SELENOP: variants seen among roughly 807,000 people sequenced by gnomAD.
SELENOP encodes the protein selenoprotein P.
Under a neutral mutation model 41.0 loss-of-function variants are expected in SELENOP, and 36 were observed. The ratio of observed to expected loss-of-function variants is 0.88; its 90% CI spans 0.67 to 1.16. SELENOP has a LOEUF of 1.16. Among genes scored for constraint, SELENOP ranks in the 50% most tolerant of loss-of-function variants. The pLI, the probability that SELENOP is intolerant of heterozygous loss-of-function variation, is 0.00. For synonymous variants in SELENOP, 144 were observed against 150.8 expected, an observed-to-expected ratio of 0.95 and a Z score of 0.33; for missense variants, 440 against 454.2, an observed-to-expected ratio of 0.97 and a Z score of 0.28.
In SELENOP at chr5:42,800,704, G is replaced by C; in HGVS notation, c.*16C>G. The C allele has an allele frequency of 1.3e-6, 2 of 1,581,734 alleles. No individual in the cohort carries two copies. The highest frequency in any genetic ancestry group is 1.7e-6 in the Non-Finnish European group (2 of 1,161,622). ...GTGTCTAGACTAAATTGGGGAGTAT[G>C]TCCTATTTTAAATATTTAGTTTGAA... On this transcript the variant is annotated 3_prime_UTR_variant, in exon 5 of 5. Transcript: ENST00000514985.
At chr5:42,810,482 C>T (rs993929147) in intron 1 of SELENOP, among the ~76,000 whole-genome samples, 1 of 152,030 alleles carries the variant, frequency 6.6e-6, no homozygotes, top group Non-Finnish European at 1.5e-5. Context: ...TTTTTTGAGA[C>T]GGAGTCTTGC....
At chr5:42,811,689 A>C (rs902858340) in intron 1 of SELENOP, 147 bp downstream of exon 1, 19 of 152,314 alleles carry the variant, frequency 1.2e-4, no homozygotes, top group African/African-American at 4.6e-4. Flanking sequence ...GACTCTTCTT[A>C]TTCTTTTTCT....
At chr5:42,802,984 C>G (rs1392329649) in intron 4 of SELENOP, among the ~76,000 whole-genome samples, 1 of 152,146 alleles carries the variant, frequency 6.6e-6, no homozygotes, top group African/African-American at 2.4e-5. Context: ...TTTAATATCT[C>G]TAAAATTAGA....
intron 4 of SELENOP, 111 bp from the exon 5 acceptor site, chr5:42,801,442 G>A (rs1760200735): frequency 5.1e-6 from 4 of 791,924 alleles, no homozygotes; most frequent in African/African-American, 3.5e-5. Flanking sequence ...AATTAGAATC[G>A]AGCTGGCTTT....
chr5:42,803,377 C>T (rs1033773483), intron 4 of SELENOP, among the ~76,000 whole-genome samples: 1 of 151,992 alleles, frequency 6.6e-6, no homozygotes, highest in African/African-American at 2.4e-5. Flanking sequence ...TCTTTCATTA[C>T]TCTTAGTATT....
chr5:42,808,795 C>G (rs1021033355), intron 1 of SELENOP, among the ~76,000 whole-genome samples: 1 of 151,582 alleles, frequency 6.6e-6, no homozygotes, highest in Non-Finnish European at 1.5e-5. Flanking sequence ...TGGCAGACAC[C>G]TGTAGTCCCA....
rs2111614105 is a variant in SELENOP, at chr5:42,800,344, A to G, written c.*376T>C. ...ACAAAGTAATATTGTTTTGAGAGAT[A>G]AGTAAAGAAAAAAATGGAAAGCATG... is the stretch of plus-strand genomic sequence containing the variant. On this transcript the variant is annotated 3_prime_UTR_variant, in exon 5 of 5. Transcript: ENST00000514985. 1 of 165,336 alleles carries G rather than the reference A, an allele frequency of 6.0e-6. No homozygotes were observed. The highest frequency in any genetic ancestry group is 2.4e-5 in the African/African-American group (1 of 42,010). 10.2% of individuals were successfully genotyped at this position (165,336 alleles called of 1,614,324 possible).
chr5:42,805,568 G>C (rs1337806856), intron 3 of SELENOP: 1 of 151,798 alleles, frequency 6.6e-6, no homozygotes, highest in Admixed American at 6.6e-5. Context: ...TGTTTTATTT[G>C]TTCATAGAAT....
At position 42,804,716 on chromosome 5, in the gene SELENOP, A is replaced by G. The variant is rs1295321932; in HGVS notation, c.474T>C (p.Tyr158=). The G allele has an allele frequency of 1.2e-6, 2 of 1,612,050 alleles. No homozygotes were observed. Among genetic ancestry groups the G allele is most frequent in the Middle Eastern group, 1.7e-4 (1 of 6,052 alleles). The part of the protein sequence containing the change: ...GLPFSFLTFP[Y]VEEAIKIAYC... ...AAGCAATCTTAATGGCTTCTTCTAC[A>G]TATGGGAAAGTTAGGAAGGAAAAAG... The change falls in exon 4 of 5, where the codon TAT becomes TAC. Residue 158 remains tyrosine, a synonymous_variant. Transcript: ENST00000514985.
At chr5:42,809,792 G>T in intron 1 of SELENOP, 2 of 955,992 alleles carry the variant, frequency 2.1e-6, no homozygotes, top group Non-Finnish European at 2.5e-6. Context: ...AACTTAACTA[G>T]AGAGAGTGAG....
At chr5:42,805,318 T>C (rs1376837150) in intron 3 of SELENOP, 1 of 152,228 alleles carries the variant, frequency 6.6e-6, no homozygotes, top group African/African-American at 2.4e-5. Context: ...TAAAATGTTC[T>C]TCTTGCCTAC....
In SELENOP at chr5:42,801,196, A is replaced by C. The variant is rs1472156645; in HGVS notation, c.670T>G (p.Ser224Ala). ...GHQHLGSSEL[S>A]ENQQPGAPNA... is the part of the protein sequence containing the mutation. ...GGTGCTCCTGGTTGCTGATTCTCTGAAAGCTCACTGCTGCCAAGGTGCTGA... is the reference window on the plus strand; with the variant it reads ...GGTGCTCCTGGTTGCTGATTCTCTGCAAGCTCACTGCTGCCAAGGTGCTGA... Residue 224 changes from serine to alanine, a missense_variant, in exon 5 of 5, where the codon TCA (serine) becomes GCA (alanine). Physicochemically the swap from Ser to Ala is moderately conservative, Grantham distance 99. Coordinates refer to ENST00000514985, the MANE Select transcript of SELENOP (RefSeq NM_005410.4). 8 of 1,614,036 alleles carry C rather than the reference A, an allele frequency of 5.0e-6. No individual in the cohort carries two copies. The highest frequency in any genetic ancestry group is 5.9e-6 in the Non-Finnish European group (7 of 1,180,038).
In SELENOP at chr5:42,806,910, GA is replaced by G; in HGVS notation, c.401del (p.Phe134SerfsTer?). ...WTLLNGSKDDFLIYDRCGRLV... is the reference protein window; with the variant it reads ...WTLLNGSKDDXLIYDRCGRLV... ...TATGTACAAACCTATCATATATGAG[GA>G]AGTCATCTTTGCTTCCATTTAAAAG... On this transcript the variant is annotated frameshift_variant, in exon 3 of 5. Transcript: ENST00000514985. LOFTEE classifies it high-confidence loss of function. 2 of 1,604,560 alleles carry G rather than the reference GA, an allele frequency of 1.2e-6. No individual in the cohort carries two copies. The highest frequency in any genetic ancestry group is 2.2e-5 in the South Asian group (2 of 90,386).
At chr5:42,801,381 T>A in intron 4 of SELENOP, 50 bp from the exon 5 acceptor site, 3 of 1,283,576 alleles carry the variant, frequency 2.3e-6, no homozygotes, top group Non-Finnish European at 3.2e-6. Flanking sequence ...GAGATAGGAA[T>A]AATGCGTGAA....
rs1760183492 is a variant in SELENOP, at chr5:42,801,048, T to A, written c.818A>T (p.Gln273Leu). 1.2e-6 allele frequency: 2 copies of A among 1,614,254 alleles called. No homozygotes were observed. Among genetic ancestry groups the A allele is most frequent in the Non-Finnish European group, 1.7e-6 (2 of 1,180,042 alleles). Residue 273 changes from glutamine (Q) to leucine (L), a missense_variant, in exon 5 of 5, where the codon CAA (glutamine) becomes CTA (leucine). Transcript: ENST00000514985. ...MPASEDLQDL[Q>L]KKLCRKRCIN... Reference sequence around the variant, plus strand: ...ACATCTCTTTCGACAGAGCTTCTTTTGTAAATCTTGTAAATCTTCACTTGC... The same window carrying A: ...ACATCTCTTTCGACAGAGCTTCTTTAGTAAATCTTGTAAATCTTCACTTGC...
chr5:42,805,604 C>CT (rs137889511), intron 3 of SELENOP: 39,400 of 152,026 alleles, frequency 0.26, 5,688 homozygotes, highest in Admixed American at 0.38. Context: ...GCAGATCATG[C>CT]TTAAATGATT....
intron 4 of SELENOP, chr5:42,801,785 C>T (rs1323676160): frequency 1.2e-5 from 2 of 160,504 alleles, no homozygotes; most frequent in African/African-American, 4.8e-5. Context: ...GGTGTGGTGT[C>T]AGATGCCTGT....
chr5:42,802,631 T>C (rs777873876), intron 4 of SELENOP, among the ~76,000 whole-genome samples: 4 of 152,100 alleles, frequency 2.6e-5, no homozygotes, highest in Non-Finnish European at 4.4e-5. Flanking sequence ...ATTTATTTAG[T>C]GACGGAGTCT....
chr5:42,808,215 C>T lies in SELENOP; in HGVS notation c.139G>A (p.Gly47Ser). The T allele has an allele frequency of 1.9e-6, 3 of 1,586,028 alleles. No individual in the cohort carries two copies. Among genetic ancestry groups the T allele is most frequent in the Non-Finnish European group, 2.6e-6 (3 of 1,166,916 alleles). ...RDQDPMLNSN[G>S]SVTVVALLQA... ...AGAAGAGCAACCACAGTCACTGAAC[C>T]ATTGGAGTTTAGCATTGGATCTTGA... The change falls in exon 2 of 5, where the codon GGT (glycine) becomes AGT (serine). Residue 47 changes from glycine (G) to serine (S), a missense_variant. Physicochemically the swap from Gly to Ser is moderately conservative, Grantham distance 56 (BLOSUM62 0). Coordinates refer to ENST00000514985, the MANE Select transcript of SELENOP (RefSeq NM_005410.4).
Sources: gnomAD v4.1 joint callset for allele counts (sites outside exome capture counted in the v4.1 genomes callset) on GRCh38, gnomAD v4.1.1 for gene constraint, MANE v1.5 for transcripts, NCBI Gene and HGNC (gene_info 2026-07-23, HGNC 2026-07-21) for gene names.